The following PVT1 variants were observed in gnomAD, a reference collection of about 807,000 sequenced individuals.
PVT1 encodes CXCR4/PVT1 fusion.
chr8:127,833,474 T>C (rs79154009), intron 2 of PVT1, among the ~76,000 whole-genome samples: 2 of 139,448 alleles, frequency 1.4e-5, no homozygotes, highest in Non-Finnish European at 3.1e-5. Context: ...TTTTTTTTTT[T>C]CCCAGACAGG....
chr8:127,878,403 T>C (rs1336833254), intron 2 of PVT1, among the ~76,000 whole-genome samples: 1 of 152,192 alleles, frequency 6.6e-6, no homozygotes, highest in Non-Finnish European at 1.5e-5. Context: ...TGCAAGGCAT[T>C]TCACAGATAT....
chr8:127,955,573 C>CCCCTCCCCTCCCCTG (rs1470866861), intron 3 of PVT1, among the ~76,000 whole-genome samples: 1 of 151,304 alleles, frequency 6.6e-6, no homozygotes, highest in African/African-American at 2.4e-5. Flanking sequence ...AGTCTGTAAT[C>CCCCTCCCCTCCCCTG]CCCTCCCCTC....
chr8:127,879,667 G>A (rs1200966682), intron 2 of PVT1, among the ~76,000 whole-genome samples: 1 of 152,210 alleles, frequency 6.6e-6, no homozygotes, highest in East Asian at 1.9e-4. Context: ...GTGCACCAGT[G>A]TTCTCGTTTC....
intron 2 of PVT1, among the ~76,000 whole-genome samples, chr8:127,860,031 C>G (rs1050799058): frequency 3.9e-5 from 6 of 152,274 alleles, no homozygotes; most frequent in Non-Finnish European, 8.8e-5. Context: ...ACACGGACCC[C>G]GTGACTGGCT....
intron 2 of PVT1, among the ~76,000 whole-genome samples, chr8:127,808,962 G>A (rs190704245): frequency 4.8e-5 from 7 of 147,074 alleles, no homozygotes; most frequent in Non-Finnish European, 1.0e-4. Flanking sequence ...CCCGGGAGGC[G>A]GAGGTTGCAG....
At chr8:128,061,229 C>T (rs2648878) in intron 4 of PVT1, among the ~76,000 whole-genome samples, 5,232 of 152,234 alleles carry the variant, frequency 0.034, 184 homozygotes, top group East Asian at 0.19. Flanking sequence ...CTATTGTAGA[C>T]GTTTCACGTA....
At chr8:128,026,055 G>C (rs1268863376) in intron 4 of PVT1, among the ~76,000 whole-genome samples, 2 of 151,938 alleles carry the variant, frequency 1.3e-5, no homozygotes, top group Non-Finnish European at 2.9e-5. Context: ...GGGTTCAAGT[G>C]ATTCTCCTGC....
intron 5 of PVT1, among the ~76,000 whole-genome samples, chr8:128,076,385 C>A (rs1814090314): frequency 6.6e-6 from 1 of 152,166 alleles, no homozygotes; most frequent in Admixed American, 6.5e-5. Context: ...GCCCAGAGCT[C>A]TGAGCTGAGA....
intron 3 of PVT1, chr8:127,946,739 T>C (rs1816425296): frequency 6.5e-6 from 1 of 154,216 alleles, no homozygotes; most frequent in African/African-American, 2.4e-5. Context: ...TTGGGAACAA[T>C]GCCTTTCTTT....
chr8:128,066,186 ACT>A (rs1813908349), intron 4 of PVT1, among the ~76,000 whole-genome samples: 1 of 152,170 alleles, frequency 6.6e-6, no homozygotes, highest in African/African-American at 2.4e-5. Flanking sequence ...ATTGTTTCTG[ACT>A]CTGCCTTCCA....
At chr8:127,981,610 G>A (rs554715338) in intron 3 of PVT1, among the ~76,000 whole-genome samples, 2 of 152,358 alleles carry the variant, frequency 1.3e-5, no homozygotes, top group Admixed American at 6.5e-5. Flanking sequence ...CACCTCTGAA[G>A]TGGGAGGATG....
intron 2 of PVT1, among the ~76,000 whole-genome samples, chr8:127,884,367 A>G (rs1294392069): frequency 2.0e-5 from 3 of 152,108 alleles, no homozygotes; most frequent in Non-Finnish European, 4.4e-5. Flanking sequence ...AATCCATTCT[A>G]CTGTTGATGG....
At chr8:127,891,440 T>C (rs1815601136) in intron 3 of PVT1, among the ~76,000 whole-genome samples, 1 of 152,214 alleles carries the variant, frequency 6.6e-6, no homozygotes, top group Non-Finnish European at 1.5e-5. Context: ...GCCATATGGC[T>C]GGTGCTGTGA....
At chr8:127,987,863 G>A (rs918595314) in intron 3 of PVT1, among the ~76,000 whole-genome samples, 1 of 152,220 alleles carries the variant, frequency 6.6e-6, no homozygotes, top group East Asian at 1.9e-4. Flanking sequence ...CTGCTCACTG[G>A]GGAGCCCAGA....
At chr8:127,831,469 C>G (rs761283934) in intron 2 of PVT1, among the ~76,000 whole-genome samples, 1 of 152,080 alleles carries the variant, frequency 6.6e-6, no homozygotes, top group Non-Finnish European at 1.5e-5. Context: ...CAACTAGGTA[C>G]TTGGCAAAGT....
intron 2 of PVT1, among the ~76,000 whole-genome samples, chr8:127,840,715 G>T (rs1814963901): frequency 1.3e-5 from 2 of 152,250 alleles, no homozygotes; most frequent in South Asian, 4.1e-4. Context: ...AAGCTTTCTT[G>T]TCTGGATTTG....
chr8:127,855,031 C>T, intron 2 of PVT1: 1 of 395,886 alleles, frequency 2.5e-6, no homozygotes, highest in Non-Finnish European at 4.4e-6. Context: ...AGCAGCATGT[C>T]TGGGATTTGA....
intron 2 of PVT1, among the ~76,000 whole-genome samples, chr8:127,803,723 G>GTTTT (rs11395238): frequency 2.8e-5 from 4 of 141,884 alleles, no homozygotes; most frequent in African/African-American, 7.8e-5. Context: ...TGTCTCTACA[G>GTTTT]TTTTTTTTTT....
chr8:128,021,439 G>A (rs191356449), intron 4 of PVT1, among the ~76,000 whole-genome samples: 2,345 of 151,938 alleles, frequency 0.015, 25 homozygotes, highest in Middle Eastern at 0.037. Flanking sequence ...GACCACAGGC[G>A]CCCGCCACCA....
Sources: allele counts gnomAD v4.1 joint callset (sites outside exome capture counted in the v4.1 genomes callset), GRCh38; gene constraint gnomAD v4.1.1; transcripts MANE v1.5; gene names NCBI Gene and HGNC (gene_info 2026-07-23, HGNC 2026-07-21).